The following PTPRD variants were observed in gnomAD, a reference collection of about 807,000 sequenced individuals.
The protein encoded by PTPRD is protein tyrosine phosphatase receptor type D.
In PTPRD, 34 loss-of-function variants were observed where a neutral mutation model predicts 214.5. The observed-to-expected ratio is 0.16, with a 90% CI of 0.12 to 0.21. The LOEUF (loss-of-function observed/expected upper bound fraction) is 0.21. Ranked by LOEUF, PTPRD falls within the 10% of genes least tolerant of loss-of-function variation. The pLI, the probability that PTPRD is intolerant of heterozygous loss-of-function variation, is 1.00. For synonymous variants in PTPRD, 1,128 were observed against 845.7 expected (o/e 1.33, Z -5.79); for missense variants, 2,545 against 2,398.7 (o/e 1.06, Z -1.27).
intron 7 of PTPRD, among the ~76,000 whole-genome samples, chr9:9,674,622 C>T (rs1272604353): frequency 6.6e-6 from 1 of 151,652 alleles, no homozygotes; most frequent in East Asian, 1.9e-4. Flanking sequence ...AAAAAATAAA[C>T]AAGCCAAATA....
At chr9:10,258,144 A>G (rs13294419) in intron 3 of PTPRD, among the ~76,000 whole-genome samples, 25,312 of 152,170 alleles carry the variant, frequency 0.17, 2,222 homozygotes, top group Non-Finnish European at 0.18. Flanking sequence ...TATTATCCCA[A>G]CAGATATCCT....
chr9:9,795,316 G>A (rs528322311), intron 5 of PTPRD, among the ~76,000 whole-genome samples: 1 of 152,200 alleles, frequency 6.6e-6, no homozygotes, highest in South Asian at 2.1e-4. Context: ...CCCATTGTAG[G>A]GAAAGTTTTT....
At chr9:9,728,116 T>C (rs2154438275) in intron 7 of PTPRD, among the ~76,000 whole-genome samples, 1 of 152,242 alleles carries the variant, frequency 6.6e-6, no homozygotes, top group East Asian at 1.9e-4. Flanking sequence ...CCATTATCTC[T>C]TGCCTACCAC....
chr9:8,554,554 C>T (rs1008581823), intron 14 of PTPRD, among the ~76,000 whole-genome samples: 2 of 152,150 alleles, frequency 1.3e-5, no homozygotes, highest in Non-Finnish European at 2.9e-5. Context: ...TTGACTGACA[C>T]AGAGGCCATA....
chr9:9,715,323 A>G (rs1467239075), intron 7 of PTPRD, among the ~76,000 whole-genome samples: 1 of 152,160 alleles, frequency 6.6e-6, no homozygotes, highest in African/African-American at 2.4e-5. Flanking sequence ...GCATACAGTT[A>G]ATGCTCTGTA....
chr9:10,014,819 G>A (rs1042048796), intron 4 of PTPRD, among the ~76,000 whole-genome samples: 11 of 151,978 alleles, frequency 7.2e-5, no homozygotes, highest in Non-Finnish European at 1.6e-4. Context: ...GACTAAGTGC[G>A]TGGTTATTTC....
intron 3 of PTPRD, among the ~76,000 whole-genome samples, chr9:10,230,941 A>C (rs1039889590): frequency 1.3e-5 from 2 of 151,972 alleles, no homozygotes; most frequent in African/African-American, 2.4e-5. Context: ...ACATTGGTAG[A>C]TTATTGAGAA....
intron 9 of PTPRD, among the ~76,000 whole-genome samples, chr9:9,382,940 G>A (rs1021696157): frequency 1.3e-5 from 2 of 151,948 alleles, no homozygotes; most frequent in African/African-American, 4.8e-5. Flanking sequence ...AAATGAAAAT[G>A]TTGTATATTT....
At chr9:9,619,712 T>C (rs980896706) in intron 7 of PTPRD, among the ~76,000 whole-genome samples, 3 of 145,924 alleles carry the variant, frequency 2.1e-5, no homozygotes, top group African/African-American at 7.4e-5. Context: ...AATATATGTA[T>C]TTATATATAA....
At chr9:10,027,738 T>G (rs1023512397) in intron 4 of PTPRD, among the ~76,000 whole-genome samples, 4 of 152,200 alleles carry the variant, frequency 2.6e-5, no homozygotes, top group South Asian at 2.1e-4. Flanking sequence ...ATATATGTAA[T>G]AGAAACTACT....
chr9:10,274,021 C>T (rs751000935), intron 3 of PTPRD, among the ~76,000 whole-genome samples: 2 of 152,084 alleles, frequency 1.3e-5, no homozygotes, highest in Non-Finnish European at 2.9e-5. Context: ...TTTGTATCCT[C>T]CTAACAGAAT....
chr9:8,877,619 A>G (rs1383410422), intron 11 of PTPRD, among the ~76,000 whole-genome samples: 1 of 152,236 alleles, frequency 6.6e-6, no homozygotes, highest in Non-Finnish European at 1.5e-5. Context: ...TTCTATTTAC[A>G]AAATGATAGA....
intron 14 of PTPRD, among the ~76,000 whole-genome samples, chr9:8,562,178 C>T (rs1272076134): frequency 1.3e-5 from 2 of 152,038 alleles, no homozygotes; most frequent in African/African-American, 2.4e-5. Flanking sequence ...TTCCTATAGG[C>T]ATCAATAAGC....
chr9:8,926,548 A>C (rs1225075055), intron 11 of PTPRD, among the ~76,000 whole-genome samples: 3 of 152,164 alleles, frequency 2.0e-5, no homozygotes, highest in African/African-American at 7.2e-5. Context: ...TCTTATTCAC[A>C]GAGCCCAACT....
chr9:9,232,263 G>A (rs546252790), intron 9 of PTPRD, among the ~76,000 whole-genome samples: 1 of 152,204 alleles, frequency 6.6e-6, no homozygotes, highest in African/African-American at 2.4e-5. Flanking sequence ...ATCAGCTTGT[G>A]GAAAATCAAC....
chr9:9,181,865 T>C (rs901333646), intron 10 of PTPRD, among the ~76,000 whole-genome samples: 3 of 152,046 alleles, frequency 2.0e-5, no homozygotes, highest in Admixed American at 2.0e-4. Context: ...TGATTAGTTC[T>C]ACAGAAATAA....
chr9:10,316,925 C>T (rs1299183216), intron 3 of PTPRD, among the ~76,000 whole-genome samples: 1 of 151,694 alleles, frequency 6.6e-6, no homozygotes, highest in Non-Finnish European at 1.5e-5. Context: ...AACCTGATCC[C>T]AATTGCTTTT....
At chr9:10,004,319 G>A (rs560580015) in intron 4 of PTPRD, among the ~76,000 whole-genome samples, 1 of 151,960 alleles carries the variant, frequency 6.6e-6, no homozygotes, top group Admixed American at 6.6e-5. Flanking sequence ...GAGGGAATTT[G>A]CCATGTGGAA....
chr9:8,449,978 G>C (rs2095872077), intron 33 of PTPRD, 141 bp from the exon 34 acceptor site: 2 of 773,106 alleles, frequency 2.6e-6, no homozygotes, highest in Non-Finnish European at 4.0e-6. Context: ...TTGTGACCCA[G>C]TTCGGGTTGC....
Sources: allele counts gnomAD v4.1 joint callset (sites outside exome capture counted in the v4.1 genomes callset), GRCh38; gene constraint gnomAD v4.1.1; transcripts MANE v1.5; gene names NCBI Gene and HGNC (gene_info 2026-07-23, HGNC 2026-07-21).